RMND1: variants seen among roughly 807,000 people sequenced by gnomAD.
RMND1 encodes required for meiotic nuclear division protein 1 homolog.
Under a neutral mutation model 54.0 loss-of-function variants are expected in RMND1, and 41 were observed. That is an observed-to-expected ratio of 0.76 (90% CI 0.59 to 0.98). The LOEUF (loss-of-function observed/expected upper bound fraction) is 0.98. Among genes scored for constraint, RMND1 ranks in the 50% least tolerant of loss-of-function variants. RMND1 has a pLI of 0.00. For synonymous variants in RMND1, 183 were observed against 181.7 expected, an observed-to-expected ratio of 1.01 and a Z score of -0.06; for missense variants, 457 against 532.0, an observed-to-expected ratio of 0.86 and a Z score of 1.39.
chr6:151,433,260 C>G (rs973061373), intron 3 of RMND1, 30 bp from the exon 4 acceptor site: 2 of 1,513,910 alleles, frequency 1.3e-6, no homozygotes, highest in Admixed American at 3.4e-5. Context: ...AACAAAAAAG[C>G]TATGTCAAGG....
intron 10 of RMND1, chr6:151,408,628 T>G (rs1779709475): frequency 6.6e-6 from 1 of 152,196 alleles, no homozygotes; most frequent in African/African-American, 2.4e-5. Context: ...AAATTAAAGT[T>G]ATTAATTAGC....
intron 2 of RMND1, among the ~76,000 whole-genome samples, chr6:151,442,302 TC>T (rs1780802951): frequency 6.6e-6 from 1 of 152,192 alleles, no homozygotes; most frequent in Admixed American, 6.5e-5. Flanking sequence ...CACAAAAGCT[TC>T]ACAAACCAGT....
chr6:151,437,611 A>G (rs113623877), intron 2 of RMND1, among the ~76,000 whole-genome samples: 10 of 152,348 alleles, frequency 6.6e-5, no homozygotes, highest in African/African-American at 2.2e-4. Context: ...GTTGGCCAAA[A>G]CAAGTTTATG....
chr6:151,424,414 A>G lies in RMND1; in HGVS notation c.831-783T>C, dbSNP rs562773662. On this transcript the variant is annotated intron_variant, in intron 6 of 11. Transcript: ENST00000444024. ...GGAGGCGGAGCTTGCAGTAAGCCGA[A>G]ATCACGCCACTGCACTCCAGCCTGG... Among the ~76,000 whole-genome samples the G allele has an allele frequency of 2.6e-3, 398 of 151,818 alleles. 3 individuals are homozygous for G. The highest frequency in any genetic ancestry group is 8.9e-3 in the African/African-American group (368 of 41,424).
At chr6:151,446,389 T>C (rs1303350393) in intron 1 of RMND1, among the ~76,000 whole-genome samples, 1 of 150,090 alleles carries the variant, frequency 6.7e-6, no homozygotes. Context: ...GTCATGATTG[T>C]ACCACTGCAT....
chr6:151,441,043 AT>A (rs1780763733), intron 2 of RMND1, among the ~76,000 whole-genome samples: 1 of 152,216 alleles, frequency 6.6e-6, no homozygotes, highest in African/African-American at 2.4e-5. Context: ...CTACTTCAAA[AT>A]GTTTTAAAAA....
intron 10 of RMND1, among the ~76,000 whole-genome samples, chr6:151,406,978 A>C (rs960237648): frequency 2.0e-5 from 3 of 152,022 alleles, no homozygotes; most frequent in African/African-American, 7.2e-5. Flanking sequence ...TGGGCAACAC[A>C]GTGAAACCCT....
chr6:151,420,723 G>C (rs1649022611), intron 9 of RMND1: 1 of 152,112 alleles, frequency 6.6e-6, no homozygotes, highest in African/African-American at 2.4e-5. Flanking sequence ...ATATGCCCAA[G>C]AGGGAATGTG....
At chr6:151,429,123 C>CTTTTTTTTTTTT (rs528642361) in intron 5 of RMND1, among the ~76,000 whole-genome samples, 25 of 140,036 alleles carry the variant, frequency 1.8e-4, no homozygotes, top group African/African-American at 6.5e-4. Flanking sequence ...TTGTAACCCG[C>CTTTTTTTTTTTT]TTTTTTTTTT....
rs200272405 is a variant in RMND1 at position 151,445,290 on chromosome 6, C to T, written c.504+18G>A. On this transcript the variant is annotated intron_variant, in intron 2 of 11. Coordinates refer to ENST00000444024, the MANE Select transcript of RMND1 (RefSeq NM_017909.4). ...CAATGATCACTAAGCACGAGAGCCA[C>T]GGCCACCCCTACTTTACCTCGTTCA... 2.1e-5 allele frequency: 33 copies of T among 1,589,290 alleles called. No individual in the cohort carries two copies. The highest frequency in any genetic ancestry group is 1.7e-4 in the Middle Eastern group (1 of 5,888).
chr6:151,436,256 A>G, intron 3 of RMND1, 190 bp downstream of exon 3: 1 of 590,226 alleles, frequency 1.7e-6, no homozygotes, highest in Non-Finnish European at 2.9e-6. Flanking sequence ...TACTGATTTT[A>G]ATGAGTTCTC....
chr6:151,433,565 G>A (rs1780506189), intron 3 of RMND1, among the ~76,000 whole-genome samples: 1 of 152,066 alleles, frequency 6.6e-6, no homozygotes, highest in Non-Finnish European at 1.5e-5. Flanking sequence ...TAAGTGTCAA[G>A]AATTAAACTT....
Position 151,422,532 on chromosome 6 carries a change from T to C in RMND1, c.1002+9A>G. ...AATCCTTGAATAAGCATAAAATTGA[T>C]ATAATTACCTCAGGAATTGACTGAA... On this transcript the variant is annotated intron_variant, in intron 8 of 11. Coordinates refer to ENST00000444024, the MANE Select transcript of RMND1 (RefSeq NM_017909.4). 2 of 1,387,048 alleles carry C rather than the reference T, an allele frequency of 1.4e-6. No homozygotes were observed. Among genetic ancestry groups the C allele is most frequent in the Non-Finnish European group, 2.0e-6 (2 of 1,012,248 alleles). The allele number at this position is 1,387,048 out of a possible 1,614,324, so 85.9% of individuals were successfully genotyped here.
chr6:151,435,666 C>T (rs544426366), intron 3 of RMND1, among the ~76,000 whole-genome samples: 4 of 151,570 alleles, frequency 2.6e-5, no homozygotes, highest in African/African-American at 7.3e-5. Context: ...GTGATCTGCC[C>T]GCCTCGGCCT....
At position 151,423,613 on chromosome 6, in the gene RMND1, G is replaced by A; in HGVS notation, c.849C>T (p.His283=). Residue 283 remains histidine, a synonymous_variant, in exon 7 of 12, where the codon CAC becomes CAT. Transcript: ENST00000444024. ...CTGAATTTAACTTGATTTCCCCCCT[G>A]TGAAGTTTTGACTGTCCCCTGTGAA... ...YIKIEGQSKL[H]RGEIKLNSEL... 1 of 1,613,258 alleles carries A rather than the reference G, an allele frequency of 6.2e-7. No homozygotes were observed. The highest frequency in any genetic ancestry group is 8.5e-7 in the Non-Finnish European group (1 of 1,179,300).
chr6:151,411,766 T>C (rs139184252), intron 10 of RMND1: 1 of 152,310 alleles, frequency 6.6e-6, no homozygotes, highest in African/African-American at 2.4e-5. Context: ...TTGCTGACAA[T>C]TCAGAACACA....
At chr6:151,451,644 C>T (rs1464396283) in intron 1 of RMND1, among the ~76,000 whole-genome samples, 1 of 152,108 alleles carries the variant, frequency 6.6e-6, no homozygotes, top group Non-Finnish European at 1.5e-5. Flanking sequence ...AAATACAAGG[C>T]AGTTACTCAG....
chr6:151,436,675 T>C (rs947801046), intron 2 of RMND1, 121 bp from the exon 3 acceptor site: 8 of 844,164 alleles, frequency 9.5e-6, no homozygotes, highest in Non-Finnish European at 1.4e-5. Flanking sequence ...TCTTCAAACA[T>C]CTCCAAGGGT....
At chr6:151,436,308 G>A in intron 3 of RMND1, 138 bp downstream of exon 3, 1 of 873,954 alleles carries the variant, frequency 1.1e-6, no homozygotes, top group Non-Finnish European at 1.7e-6. Context: ...TCTTTATAAA[G>A]AGATTCAACA....
Sources: allele counts gnomAD v4.1 joint callset (sites outside exome capture counted in the v4.1 genomes callset), GRCh38; gene constraint gnomAD v4.1.1; transcripts MANE v1.5; gene names NCBI Gene and HGNC (gene_info 2026-07-23, HGNC 2026-07-21).